Variants in MYCBP2 observed in about 807,000 individuals in gnomAD.
MYCBP2 encodes E3 ubiquitin-protein ligase MYCBP2.
In MYCBP2, 120 loss-of-function variants were observed where a neutral mutation model predicts 525.3. The observed-to-expected ratio is 0.23, with a 90% confidence interval of 0.20 to 0.27. The LOEUF (loss-of-function observed/expected upper bound fraction) is 0.27. MYCBP2 is among the 10% of genes least tolerant of loss of function. MYCBP2 has a pLI of 1.00. For synonymous variants in MYCBP2, 1,894 were observed against 1,955.8 expected (o/e 0.97, Z 0.83); for missense variants, 4,149 against 5,657.1 (o/e 0.73, Z 8.55).
At chr13:77,076,658 A>G (rs1197479623) in intron 68 of MYCBP2, 93 bp downstream of exon 68, 6 of 701,542 alleles carry the variant, frequency 8.6e-6, no homozygotes, top group Non-Finnish European at 1.4e-5. Flanking sequence ...CTGTTATTAC[A>G]TATCCATCAA....
intron 3 of MYCBP2, among the ~76,000 whole-genome samples, chr13:77,280,179 T>C (rs2076045256): frequency 6.6e-6 from 1 of 152,240 alleles, no homozygotes; most frequent in Non-Finnish European, 1.5e-5. Flanking sequence ...ACAAGTTTTC[T>C]GGAAACAACA....
intron 26 of MYCBP2, among the ~76,000 whole-genome samples, chr13:77,197,559 T>C (rs1438552957): frequency 6.6e-6 from 1 of 152,124 alleles, no homozygotes; most frequent in African/African-American, 2.4e-5. Context: ...TTGGGGATTA[T>C]GGTATGCTGA....
At chr13:77,114,539 A>G (rs1263875159) in intron 55 of MYCBP2, among the ~76,000 whole-genome samples, 1 of 152,114 alleles carries the variant, frequency 6.6e-6, no homozygotes, top group Non-Finnish European at 1.5e-5. Flanking sequence ...AAATGTAAAT[A>G]AATAGTCATG....
chr13:77,224,668 T>C (rs1335935427), intron 19 of MYCBP2, 136 bp from the exon 20 acceptor site: 8 of 512,624 alleles, frequency 1.6e-5, no homozygotes, highest in Middle Eastern at 5.9e-4. Context: ...AAGGACAAAT[T>C]TGTATTTAAT....
At chr13:77,124,746 A>C (rs1367167139) in intron 54 of MYCBP2, among the ~76,000 whole-genome samples, 4 of 152,242 alleles carry the variant, frequency 2.6e-5, no homozygotes, top group Non-Finnish European at 5.9e-5. Context: ...AGCATCACAC[A>C]AGTGATAATG....
intron 52 of MYCBP2, chr13:77,129,157 T>G: frequency 2.5e-6 from 1 of 397,786 alleles, no homozygotes; most frequent in East Asian, 3.6e-5. Context: ...TTAACTCACC[T>G]GGGGGAAAAA....
Position 77,110,366 on chromosome 13 carries a change from G to GA in MYCBP2, c.8140+11006dup, listed in dbSNP as rs1474391477. Among the ~76,000 whole-genome samples, 5 of 152,058 alleles carry GA rather than the reference G, an allele frequency of 3.3e-5. No individual in the cohort carries two copies. In the South Asian group the frequency reaches 6.2e-4, roughly 19 times the overall value. On this transcript the variant is annotated intron_variant, in intron 55 of 82. Transcript: ENST00000544440. ...AGTACCCTCAGGCTCAGAAGGCGGG[G>GA]AAAAAACCCCACCCTGGTGAAATTG...
rs150307006 is a variant in MYCBP2, at chr13:77,095,954, A to G, written c.9955-352T>C. Among the ~76,000 whole-genome samples, 1,450 of 152,220 alleles carry G rather than the reference A, an allele frequency of 9.5e-3. 25 individuals carry two copies. Among genetic ancestry groups the G allele is most frequent in the African/African-American group, 0.033 (1,354 of 41,544 alleles). On this transcript the variant is annotated intron_variant, in intron 57 of 82. Coordinates refer to ENST00000544440, the MANE Select transcript of MYCBP2 (RefSeq NM_015057.5). ...AGTGAATAAAGAAAAGAGAGAGTAG[A>G]TATGGAATAGGAAAACAAAGGAGCC...
intron 49 of MYCBP2, among the ~76,000 whole-genome samples, chr13:77,141,857 T>G (rs2054694842): frequency 6.6e-6 from 1 of 152,060 alleles, no homozygotes; most frequent in African/African-American, 2.4e-5. Flanking sequence ...ATTATAACTA[T>G]TCTAGTGAAT....
At chr13:77,145,979 A>G (rs1171353043) in intron 48 of MYCBP2, among the ~76,000 whole-genome samples, 183 bp downstream of exon 48, 1 of 152,026 alleles carries the variant, frequency 6.6e-6, no homozygotes, top group Admixed American at 6.6e-5. Flanking sequence ...GCAGTATTAC[A>G]GTTGAATGTA....
chr13:77,098,532 G>T lies in MYCBP2; in HGVS notation c.8622C>A (p.Tyr2874Ter). Residue 2874 changes from tyrosine (Y) to a stop codon, truncating the protein, a stop_gained, in exon 56 of 83, where the codon TAC becomes TAA. Coordinates refer to ENST00000544440, the MANE Select transcript of MYCBP2 (RefSeq NM_015057.5). LOFTEE classifies it high-confidence loss of function. ...TGCGGAGGGTATCTGGATCAAGTGTGTAAGAGTCTGATTTAGAACGTTCCC... is the reference window on the plus strand; with the variant it reads ...TGCGGAGGGTATCTGGATCAAGTGTTTAAGAGTCTGATTTAGAACGTTCCC... ...PPRERSKSDSYTLDPDTLRKK... is the reference protein window; with the variant it reads ...PPRERSKSDS The T allele has an allele frequency of 6.2e-7, 1 of 1,613,742 alleles. No homozygotes were observed. Among genetic ancestry groups the T allele is most frequent in the Non-Finnish European group, 8.5e-7 (1 of 1,179,806 alleles).
At chr13:77,253,591 G>C (rs2071600001) in intron 14 of MYCBP2, among the ~76,000 whole-genome samples, 1 of 151,862 alleles carries the variant, frequency 6.6e-6, no homozygotes, top group Non-Finnish European at 1.5e-5. Flanking sequence ...AGGGCAGAGA[G>C]GAACATACAG....
chr13:77,149,478 T>C (rs1274946959), intron 47 of MYCBP2, among the ~76,000 whole-genome samples: 2 of 152,104 alleles, frequency 1.3e-5, no homozygotes, highest in Non-Finnish European at 2.9e-5. Flanking sequence ...GATCCTATCC[T>C]GGAACTTCTG....
At chr13:77,269,869 C>T (rs1348509123) in intron 7 of MYCBP2, 123 bp downstream of exon 7, 22 of 761,154 alleles carry the variant, frequency 2.9e-5, no homozygotes, top group Admixed American at 9.5e-5. Context: ...GTTATTATGG[C>T]CATATTAGTA....
At chr13:77,091,250 A>G (rs564069575) in intron 59 of MYCBP2, among the ~76,000 whole-genome samples, 1 of 152,248 alleles carries the variant, frequency 6.6e-6, no homozygotes, top group African/African-American at 2.4e-5. Context: ...TTGGCAGTAA[A>G]TGTCCCTGGG....
At chr13:77,258,242 G>A (rs946268059) in intron 13 of MYCBP2, among the ~76,000 whole-genome samples, 1 of 152,152 alleles carries the variant, frequency 6.6e-6, no homozygotes, top group African/African-American at 2.4e-5. Context: ...ACATGAAATT[G>A]TTTATGTAGA....
rs528585031 is a variant in MYCBP2 at position 77,200,785 on chromosome 13, C to A, written c.3843+4471G>T. 3.3e-3 allele frequency among the ~76,000 whole-genome samples: 499 copies of A among 152,036 alleles called. 3 individuals are homozygous for A. Among genetic ancestry groups the A allele is most frequent in the African/African-American group, 0.011 (439 of 41,454 alleles). ...TTCCAACCCAGAATTTCATATCCAG[C>A]CAAACTAAGCTTCATAAGTGAAGGA... On this transcript the variant is annotated intron_variant, in intron 26 of 82. Coordinates refer to ENST00000544440, the MANE Select transcript of MYCBP2 (RefSeq NM_015057.5).
At chr13:77,229,755 G>C (rs1332340720) in intron 18 of MYCBP2, among the ~76,000 whole-genome samples, 1 of 152,152 alleles carries the variant, frequency 6.6e-6, no homozygotes, top group African/African-American at 2.4e-5. Context: ...TGTAGTTCTA[G>C]TAAATGACAA....
At chr13:77,164,170 T>A (rs532925251) in intron 43 of MYCBP2, among the ~76,000 whole-genome samples, 8 of 152,364 alleles carry the variant, frequency 5.3e-5, no homozygotes, top group African/African-American at 1.9e-4. Context: ...GGTTTAATAC[T>A]ATATATTCAG....
Sources: gnomAD v4.1 joint callset for allele counts (sites outside exome capture counted in the v4.1 genomes callset) on GRCh38, gnomAD v4.1.1 for gene constraint, MANE v1.5 for transcripts, NCBI Gene and HGNC (gene_info 2026-07-23, HGNC 2026-07-21) for gene names.